NRXN3: variants seen among roughly 807,000 people sequenced by gnomAD.
The protein encoded by NRXN3 is neurexin III.
A neutral mutation model predicts 137.6 loss-of-function variants in NRXN3; 32 were observed. The observed-to-expected ratio is 0.23, with a 90% CI of 0.18 to 0.31. NRXN3 has a LOEUF of 0.31. NRXN3 is among the 10% of genes least tolerant of loss of function. NRXN3 has a pLI of 1.00. For synonymous variants in NRXN3, 798 were observed against 784.5 expected (o/e 1.02, Z -0.29); for missense variants, 1,574 against 2,062.5 (o/e 0.76, Z 4.59).
intron 19 of NRXN3, among the ~76,000 whole-genome samples, chr14:79,705,411 G>C (rs991531047): frequency 1.3e-5 from 2 of 152,084 alleles, no homozygotes. Context: ...AAGAAGAAGG[G>C]TGAAACCGGT....
At chr14:79,707,824 TAGAAGAAGTAAAAGAAAGG>T (rs1316176304) in intron 19 of NRXN3, among the ~76,000 whole-genome samples, 12 of 151,894 alleles carry the variant, frequency 7.9e-5, no homozygotes, top group South Asian at 2.1e-4. Flanking sequence ...AACAATGAAT[TAGAAGAAGTAAAAGAAAGG>T]AGAAGAAGTA....
chr14:78,536,871 C>T lies in NRXN3; in HGVS notation c.758-108249C>T, dbSNP rs189668647. Among the ~76,000 whole-genome samples, 439 of 151,670 alleles carry T rather than the reference C, an allele frequency of 2.9e-3. 1 individual carries two copies. The highest frequency in any genetic ancestry group is 0.01 in the African/African-American group (418 of 41,356). On this transcript the variant is annotated intron_variant, in intron 4 of 20. Coordinates refer to ENST00000335750, the MANE Select transcript of NRXN3 (RefSeq NM_001330195.2). ...AACATGCAGTGTTTGGTTTTCTGTC[C>T]TTGTGACAGTTTGCTGAGAATGATG...
At chr14:79,055,582 G>A (rs2099658296) in intron 15 of NRXN3, among the ~76,000 whole-genome samples, 2 of 152,166 alleles carry the variant, frequency 1.3e-5, no homozygotes, top group African/African-American at 4.8e-5. Context: ...TCTCTCATAT[G>A]ATATGACAGG....
chr14:78,968,430 T>G (rs1284734392), intron 14 of NRXN3, 84 bp downstream of exon 14: 12 of 1,287,704 alleles, frequency 9.3e-6, no homozygotes, highest in Non-Finnish European at 1.3e-5. Flanking sequence ...GCCTCCTTCC[T>G]CAGTTGACCA....
chr14:78,849,899 G>T (rs552974421), intron 10 of NRXN3, among the ~76,000 whole-genome samples: 2 of 152,190 alleles, frequency 1.3e-5, no homozygotes, highest in South Asian at 2.1e-4. Flanking sequence ...CGAAGGAAAG[G>T]GTGGAAAGAA....
At chr14:78,405,510 C>A (rs949527408) in intron 4 of NRXN3, among the ~76,000 whole-genome samples, 1 of 151,612 alleles carries the variant, frequency 6.6e-6, no homozygotes, top group Non-Finnish European at 1.5e-5. Flanking sequence ...ACTGATCATT[C>A]CCTCCTCATC....
chr14:79,477,557 T>C (rs1488790699), intron 16 of NRXN3, among the ~76,000 whole-genome samples: 1 of 152,108 alleles, frequency 6.6e-6, no homozygotes, highest in East Asian at 1.9e-4. Context: ...TTTAGGGACA[T>C]AGTGTAGAAG....
chr14:78,326,770 T>C (rs1434481788), intron 4 of NRXN3, among the ~76,000 whole-genome samples: 4 of 152,168 alleles, frequency 2.6e-5, no homozygotes, highest in African/African-American at 9.7e-5. Flanking sequence ...TATGATCTGT[T>C]CTAGGTGTGG....
intron 2 of NRXN3, among the ~76,000 whole-genome samples, chr14:78,275,571 TG>T (rs1383028649): frequency 1.3e-5 from 2 of 152,202 alleles, no homozygotes; most frequent in African/African-American, 2.4e-5. Flanking sequence ...AAATGGAATA[TG>T]GCAGCTCTAG....
chr14:79,711,189 C>T (rs2098802756), intron 19 of NRXN3, among the ~76,000 whole-genome samples: 1 of 152,062 alleles, frequency 6.6e-6, no homozygotes, highest in Non-Finnish European at 1.5e-5. Flanking sequence ...ATGTTTATGG[C>T]AAATATCTTC....
intron 10 of NRXN3, among the ~76,000 whole-genome samples, chr14:78,851,443 G>A (rs1376075123): frequency 6.6e-6 from 1 of 152,214 alleles, no homozygotes; most frequent in Admixed American, 6.5e-5. Context: ...CTGTGTTAGA[G>A]AGTGTGGCCT....
At chr14:78,194,821 C>G (rs1248943168) in intron 1 of NRXN3, among the ~76,000 whole-genome samples, 1 of 152,218 alleles carries the variant, frequency 6.6e-6, no homozygotes, top group Non-Finnish European at 1.5e-5. Flanking sequence ...CTTGAGCCCT[C>G]TCAGGGGCCC....
intron 8 of NRXN3, among the ~76,000 whole-genome samples, chr14:78,743,556 T>G (rs1424706404): frequency 6.6e-6 from 1 of 152,180 alleles, no homozygotes; most frequent in African/African-American, 2.4e-5. Flanking sequence ...TAACTGGATA[T>G]TTCATAATCA....
intron 15 of NRXN3, among the ~76,000 whole-genome samples, chr14:79,441,105 C>T (rs763941078): frequency 7.2e-5 from 11 of 152,220 alleles, no homozygotes; most frequent in South Asian, 4.1e-4. Context: ...AATGTTGTTA[C>T]GGATTATAGG....
At chr14:78,862,586 A>G (rs540238180) in intron 10 of NRXN3, among the ~76,000 whole-genome samples, 4 of 152,112 alleles carry the variant, frequency 2.6e-5, no homozygotes, top group Non-Finnish European at 5.9e-5. Flanking sequence ...ATAATGTATA[A>G]TTATAACTTG....
chr14:78,219,359 T>G (rs1227118836), intron 1 of NRXN3, among the ~76,000 whole-genome samples: 2 of 152,160 alleles, frequency 1.3e-5, no homozygotes, highest in Non-Finnish European at 2.9e-5. Flanking sequence ...CCAGGAGACA[T>G]TGAATAGGGT....
intron 15 of NRXN3, among the ~76,000 whole-genome samples, chr14:79,412,333 A>T (rs2095428774): frequency 6.6e-6 from 1 of 152,166 alleles, no homozygotes; most frequent in African/African-American, 2.4e-5. Flanking sequence ...GGGCCCTTTC[A>T]CTAGGCTACA....
At chr14:78,393,671 G>A (rs182693990) in intron 4 of NRXN3, among the ~76,000 whole-genome samples, 26 of 151,912 alleles carry the variant, frequency 1.7e-4, no homozygotes, top group Admixed American at 7.2e-4. Flanking sequence ...GGATTTTGAC[G>A]GAAATTGTGT....
intron 15 of NRXN3, among the ~76,000 whole-genome samples, chr14:79,425,957 A>G (rs565170375): frequency 1.3e-5 from 2 of 152,184 alleles, no homozygotes; most frequent in East Asian, 3.9e-4. Context: ...ATGGATAGAA[A>G]GAGAGAGCAG....
Sources: gnomAD v4.1 joint callset for allele counts (sites outside exome capture counted in the v4.1 genomes callset) on GRCh38, gnomAD v4.1.1 for gene constraint, MANE v1.5 for transcripts, NCBI Gene and HGNC (gene_info 2026-07-23, HGNC 2026-07-21) for gene names.